CNDP1: variants seen among roughly 807,000 people sequenced by gnomAD.
CNDP1 encodes the protein beta-Ala-His dipeptidase.
CNDP1 carries 44 observed loss-of-function variants against 58.1 expected under a neutral mutation model. That is an observed-to-expected ratio of 0.76 (90% CI 0.60 to 0.97). The LOEUF is 0.97. Among genes scored for constraint, CNDP1 ranks in the 50% least tolerant of loss-of-function variants. CNDP1 has a pLI of 0.00. For missense variants in CNDP1, 616 were observed against 655.1 expected, an observed-to-expected ratio of 0.94 and a Z score of 0.65; for synonymous variants, 254 against 252.6, an observed-to-expected ratio of 1.01 and a Z score of -0.05.
intron 1 of CNDP1, among the ~76,000 whole-genome samples, chr18:74,546,732 C>T (rs1027862720): frequency 3.3e-5 from 5 of 152,322 alleles, no homozygotes; most frequent in Middle Eastern, 3.4e-3. Context: ...CCCCTGGCTT[C>T]GGCAGTCTCT....
Position 74,586,192 on chromosome 18 carries a change from T to A in CNDP1, c.*1630T>A, listed in dbSNP as rs1404017648. 3 of 152,098 alleles carry A rather than the reference T, an allele frequency of 2.0e-5. No homozygotes were observed. The highest frequency in any genetic ancestry group is 4.4e-5 in the Non-Finnish European group (3 of 68,012). 9.4% of individuals were successfully genotyped at this position (152,098 alleles called of 1,614,324 possible). On this transcript the variant is annotated 3_prime_UTR_variant, in exon 12 of 12. Transcript: ENST00000358821. The stretch of plus-strand genomic sequence containing the variant: ...GGACCCAACTGAGAGCTCAACCTAG[T>A]TGTGGGCATTTGTGAAGGATTCCAG...
rs376893801 is a variant in CNDP1 at position 74,550,802 on chromosome 18, A to G, written c.25-5536A>G. On this transcript the variant is annotated intron_variant, in intron 1 of 11. Transcript: ENST00000358821. ...TTTTTAGTAGAGACGGGGTTTCACCATGTTAGCCAGGATGGTCTCGATCTC... is the reference window on the plus strand; with the variant it reads ...TTTTTAGTAGAGACGGGGTTTCACCGTGTTAGCCAGGATGGTCTCGATCTC... Among the ~76,000 whole-genome samples the G allele has an allele frequency of 7.8e-4, 118 of 150,802 alleles. No homozygotes were observed. The South Asian group carries it at 0.018, about 23-fold the overall frequency.
chr18:74,545,799 A>C lies in CNDP1; in HGVS notation c.25-10539A>C, dbSNP rs1348838723. On this transcript the variant is annotated intron_variant, in intron 1 of 11. Transcript: ENST00000358821. The surrounding 1 kb of genome is among the most constrained non-coding windows in gnomAD (Gnocchi z 4.1). Reference sequence around the variant, plus strand: ...AAATCACTCAAATGAGATTTAAAGGAAGAAGAGCCAGTGGCTCTGGTGTGG... The same window carrying C: ...AAATCACTCAAATGAGATTTAAAGGCAGAAGAGCCAGTGGCTCTGGTGTGG... Among the ~76,000 whole-genome samples the C allele has an allele frequency of 1.3e-5, 2 of 152,208 alleles. No homozygotes were observed. The highest frequency in any genetic ancestry group is 4.8e-5 in the African/African-American group (2 of 41,448).
rs188564445 is a variant in CNDP1, at chr18:74,571,286, G to A, written c.841+16G>A. On this transcript the variant is annotated intron_variant, in intron 7 of 11. Transcript: ENST00000358821. ...GCTCTTCTCGGTAATGCCTTATTTT[G>A]TTTCACTTTTTAAGCATCAGGGATC... 5.7e-6 allele frequency: 9 copies of A among 1,568,198 alleles called. No individual in the cohort carries two copies. The Admixed American group carries it at 1.2e-4, about 20-fold the overall frequency.
intron 8 of CNDP1, 134 bp downstream of exon 8, chr18:74,577,163 A>G: frequency 1.2e-6 from 1 of 827,354 alleles, no homozygotes. Context: ...TCCCAGGCAT[A>G]TTTTTGACAT....
intron 1 of CNDP1, among the ~76,000 whole-genome samples, chr18:74,554,001 G>A (rs541105434): frequency 6.6e-6 from 1 of 152,318 alleles, no homozygotes; most frequent in African/African-American, 2.4e-5. Flanking sequence ...CGGCCACTGT[G>A]AGGCTCCCAG....
At chr18:74,547,178 G>C (rs1980782377) in intron 1 of CNDP1, among the ~76,000 whole-genome samples, 1 of 152,206 alleles carries the variant, frequency 6.6e-6, no homozygotes, top group South Asian at 2.1e-4. Context: ...GGTGAGATAA[G>C]CTAGGCTAAT....
In CNDP1 at chr18:74,560,931, G is replaced by A. The variant is rs758603848; in HGVS notation, c.379G>A (p.Val127Met). 4.3e-5 allele frequency: 69 copies of A among 1,614,046 alleles called. No individual in the cohort carries two copies. Among genetic ancestry groups the A allele is most frequent in the East Asian group, 1.3e-4 (6 of 44,882 alleles). The part of the protein sequence containing the change: ...ELGSDPTKGT[V>M]CFYGHLDVQP... Reference sequence around the variant, plus strand: ...GGGGAGCGATCCCACGAAAGGCACCGTGTGCTTCTACGGCCACTTGGACGT... The same window carrying A: ...GGGGAGCGATCCCACGAAAGGCACCATGTGCTTCTACGGCCACTTGGACGT... The change falls in exon 4 of 12, where the codon GTG becomes ATG. Residue 127 changes from valine to methionine, a missense_variant. Transcript: ENST00000358821.
chr18:74,537,019 C>T (rs983319387), intron 1 of CNDP1, among the ~76,000 whole-genome samples: 4 of 151,988 alleles, frequency 2.6e-5, no homozygotes, highest in Non-Finnish European at 4.4e-5. Flanking sequence ...TGAAGTTCCT[C>T]GATACTGGAT....
intron 1 of CNDP1, among the ~76,000 whole-genome samples, chr18:74,537,670 A>ATG (rs982036207): frequency 6.6e-6 from 1 of 152,062 alleles, no homozygotes; most frequent in Non-Finnish European, 1.5e-5. Context: ...CACCCTTTGG[A>ATG]TGGGGCACAT....
intron 1 of CNDP1, among the ~76,000 whole-genome samples, chr18:74,542,585 A>ATTTTTT (rs1192194770): frequency 1.3e-5 from 2 of 152,032 alleles, no homozygotes; most frequent in Non-Finnish European, 2.9e-5. Flanking sequence ...ATACTTCAGG[A>ATTTTTT]TTTTGTTTGT....
intron 1 of CNDP1, among the ~76,000 whole-genome samples, chr18:74,535,140 C>A (rs970136600): frequency 2.0e-5 from 3 of 152,208 alleles, no homozygotes; most frequent in Non-Finnish European, 2.9e-5. Context: ...TCACCCCAGG[C>A]CTTTCTCGGC....
chr18:74,558,443 G>GT (rs1222954087), intron 2 of CNDP1, among the ~76,000 whole-genome samples: 1 of 132,352 alleles, frequency 7.6e-6, no homozygotes, highest in African/African-American at 3.0e-5. Context: ...CACCCAGACT[G>GT]GAGTGCAGTG....
Position 74,559,446 on chromosome 18 carries a change from G to T in CNDP1, c.277G>T (p.Ala93Ser). 1.2e-6 allele frequency: 2 copies of T among 1,610,730 alleles called. No homozygotes were observed. The highest frequency in any genetic ancestry group is 1.3e-5 in the African/African-American group (1 of 75,042). Residue 93 changes from alanine (A) to serine (S), a missense_variant, in exon 3 of 12, where the codon GCC becomes TCC. Ala to Ser is a moderately conservative substitution (Grantham distance 99). Transcript: ENST00000358821. Reference protein sequence around the residue: ...DTLQRLGARVASVDMGPQQLP... With the variant: ...DTLQRLGARVSSVDMGPQQLP... Reference sequence around the variant, plus strand: ...GCTGCAGCGCCTGGGGGCCCGTGTGGCCTCGGTGGACATGGGTCCTCAGCA... The same window carrying T: ...GCTGCAGCGCCTGGGGGCCCGTGTGTCCTCGGTGGACATGGGTCCTCAGCA...
chr18:74,550,697 C>T (rs1980879538), intron 1 of CNDP1, among the ~76,000 whole-genome samples: 1 of 151,756 alleles, frequency 6.6e-6, no homozygotes, highest in Admixed American at 6.6e-5. Context: ...TTGCCTCAGC[C>T]TCTCAAGTAG....
chr18:74,560,784 A>G lies in CNDP1; in HGVS notation c.304-72A>G. The G allele has an allele frequency of 3.5e-6, 5 of 1,413,450 alleles. No homozygotes were observed. In the South Asian group the frequency reaches 5.9e-5, roughly 17 times the overall value. 87.6% of individuals were successfully genotyped at this position (1,413,450 alleles called of 1,614,324 possible). On this transcript the variant is annotated intron_variant, in intron 3 of 11. Coordinates refer to ENST00000358821, the MANE Select transcript of CNDP1 (RefSeq NM_032649.6). ...CTCCCAATGTCAAACAAGACTCCCA[A>G]TGTCATGTCTTTGAATTTTCTGGAA...
At chr18:74,577,303 A>C in intron 8 of CNDP1, 1 of 264,882 alleles carries the variant, frequency 3.8e-6, no homozygotes, top group South Asian at 1.3e-4. Context: ...CTGTTCATTA[A>C]CCTAAATCCC....
At chr18:74,579,858 G>T (rs1376031631) in intron 9 of CNDP1, among the ~76,000 whole-genome samples, 2 of 152,194 alleles carry the variant, frequency 1.3e-5, no homozygotes, top group Non-Finnish European at 2.9e-5. Context: ...GTGGGCCGGG[G>T]CCAGGAATGC....
chr18:74,546,596 C>T (rs1216869459), intron 1 of CNDP1, among the ~76,000 whole-genome samples: 3 of 152,212 alleles, frequency 2.0e-5, no homozygotes, highest in Non-Finnish European at 4.4e-5. Context: ...GTCCCTGCTT[C>T]AGAGCCTGTG....
Sources: gnomAD v4.1 joint callset for allele counts (sites outside exome capture counted in the v4.1 genomes callset) on GRCh38, gnomAD v4.1.1 for gene constraint, Gnocchi (gnomAD v3.1) non-coding constraint, MANE v1.5 for transcripts, NCBI Gene and HGNC (gene_info 2026-07-23, HGNC 2026-07-21) for gene names.